The following PAK3 variants were observed in gnomAD, a reference collection of about 807,000 sequenced individuals.
PAK3 encodes p21 (RAC1) activated kinase 3, also known as serine/threonine-protein kinase PAK 3.
A neutral mutation model predicts 41.0 loss-of-function variants in PAK3; 4 were observed. That is an observed-to-expected ratio of 0.10 (90% CI 0.05 to 0.22). The LOEUF (loss-of-function observed/expected upper bound fraction) is 0.22, where lower values mean the gene tolerates loss of function less well. Among genes scored for constraint, PAK3 ranks in the 10% least tolerant of loss-of-function variants. PAK3 has a pLI of 1.00. For synonymous variants in PAK3, 146 were observed against 139.6 expected, an observed-to-expected ratio of 1.05 and a Z score of -0.32; for missense variants, 205 against 409.9, an observed-to-expected ratio of 0.50 and a Z score of 4.32.
chrX:111,216,294 T>C lies in PAK3; in HGVS notation c.1408-127T>C, dbSNP rs878860217. Reference sequence around the variant, plus strand: ...TTATAGAAACTTTGAAATATATGTGTCATTCTCTAAAGTGGAATTATTAAG... The same window carrying C: ...TTATAGAAACTTTGAAATATATGTGCCATTCTCTAAAGTGGAATTATTAAG... On this transcript the variant is annotated intron_variant, in intron 16 of 17. Coordinates refer to ENST00000372007, the MANE Select transcript of PAK3 (RefSeq NM_002578.5). 1.1e-4 allele frequency: 57 copies of C among 515,595 alleles called. No homozygotes were observed. In the South Asian group the frequency reaches 1.3e-3, roughly 11 times the overall value. The allele number at this position is 515,595 out of a possible 1,213,427, so 42.5% of individuals were successfully genotyped here. A position where few individuals can be genotyped will look rare whatever the true frequency, so the allele number is the denominator to read the frequency against.
At chrX:111,028,964 C>A (rs1177108126) in intron 1 of PAK3, among the ~76,000 whole-genome samples, 1 of 109,899 alleles carries the variant, frequency 9.1e-6, no homozygotes, top group Admixed American at 9.8e-5. Context: ...GAGACCCTGT[C>A]TCTACAATTT....
At chrX:111,083,548 G>C (rs998586765) in intron 1 of PAK3, among the ~76,000 whole-genome samples, 1 of 112,038 alleles carries the variant, frequency 8.9e-6, no homozygotes, top group Non-Finnish European at 1.9e-5. Flanking sequence ...AACCCTCTCT[G>C]TTCCTTAACC....
At chrX:110,948,788 C>T (rs1204542348) in intron 1 of PAK3, among the ~76,000 whole-genome samples, 1 of 111,717 alleles carries the variant, frequency 9.0e-6, no homozygotes, top group African/African-American at 3.3e-5. Context: ...AAGCAGCAAG[C>T]TTCAGTTGTA....
rs1050600302 is a variant in PAK3 at position 111,224,148 on chromosome X, G to A, written c.*3701G>A. On this transcript the variant is annotated 3_prime_UTR_variant, in exon 18 of 18. Transcript: ENST00000372007. ...TGGGTGCTGAGGTTGGCACACGCTC[G>A]GGTATGGCACACGCTTTCTTAGGAG... 6 of 111,207 alleles carry A rather than the reference G, an allele frequency of 5.4e-5. No homozygotes were observed. The highest frequency in any genetic ancestry group is 7.5e-5 in the Non-Finnish European group (4 of 53,029). 9.2% of individuals were successfully genotyped at this position (111,207 alleles called of 1,213,427 possible).
intron 16 of PAK3, among the ~76,000 whole-genome samples, chrX:111,200,936 T>A (rs1327850968): frequency 3.6e-5 from 4 of 112,568 alleles, no homozygotes; most frequent in Non-Finnish European, 7.5e-5. Context: ...TATAGGCATC[T>A]TCTAGCCTAG....
At chrX:111,047,789 A>G (rs1329148072) in intron 1 of PAK3, among the ~76,000 whole-genome samples, 3 of 111,840 alleles carry the variant, frequency 2.7e-5, no homozygotes, top group African/African-American at 9.7e-5. Flanking sequence ...TCACTCTGAC[A>G]GCAGGAAGTG....
In PAK3 at chrX:111,137,473, T is replaced by G. The variant is rs1603290942; in HGVS notation, c.176-4623T>G. ...ATGGCATCTCTCTTTTTTTTTAAGT[T>G]CTCAGATGAAAATGATGTACAGTGA... On this transcript the variant is annotated intron_variant, in intron 5 of 17. Transcript: ENST00000372007. Among the ~76,000 whole-genome samples the G allele has an allele frequency of 3.6e-5, 4 of 110,950 alleles. No homozygotes were observed. The Admixed American group carries it at 3.8e-4, about 11-fold the overall frequency.
Position 111,221,761 on chromosome X carries a change from C to T in PAK3, c.*1314C>T, listed in dbSNP as rs139710049. On this transcript the variant is annotated 3_prime_UTR_variant, in exon 18 of 18. Coordinates refer to ENST00000372007, the MANE Select transcript of PAK3 (RefSeq NM_002578.5). ...TCCTATGTATCACCTATTTCTGTTT[C>T]GGAATATGGTGTGTTCATGCTTAGT... 281 of 111,426 alleles carry T rather than the reference C, an allele frequency of 2.5e-3. 1 individual carries two copies. The highest frequency in any genetic ancestry group is 8.4e-3 in the African/African-American group (259 of 30,728). The allele number at this position is 111,426 out of a possible 1,213,427, so 9.2% of individuals were successfully genotyped here.
intron 5 of PAK3, 26 bp downstream of exon 5, chrX:111,123,304 A>G: frequency 2.7e-6 from 3 of 1,124,050 alleles, no homozygotes; most frequent in Non-Finnish European, 3.7e-6. Flanking sequence ...CCGGGCATTG[A>G]AAATGGGCTA....
chrX:111,039,919 C>T (rs2092436298), intron 1 of PAK3, among the ~76,000 whole-genome samples: 1 of 104,364 alleles, frequency 9.6e-6, no homozygotes, highest in African/African-American at 3.6e-5. Flanking sequence ...CCTGAAAAGC[C>T]AGGGGATTTC....
chrX:111,200,171 G>A (rs2149344343), intron 16 of PAK3, among the ~76,000 whole-genome samples: 1 of 111,233 alleles, frequency 9.0e-6, no homozygotes, highest in East Asian at 2.8e-4. Context: ...AAATGGTTAA[G>A]TGTTTTCATA....
At chrX:110,957,903 CT>C (rs2090900219) in intron 1 of PAK3, among the ~76,000 whole-genome samples, 1 of 111,896 alleles carries the variant, frequency 8.9e-6, no homozygotes, top group South Asian at 3.8e-4. Flanking sequence ...CCTCATGAAG[CT>C]TATGGTCTAA....
chrX:110,974,464 A>G (rs1367504609), intron 1 of PAK3, among the ~76,000 whole-genome samples: 2 of 111,839 alleles, frequency 1.8e-5, no homozygotes, highest in Non-Finnish European at 3.8e-5. Flanking sequence ...TGAGGCAATA[A>G]TTAATATCCT....
At chrX:111,127,745 T>C (rs953066412) in intron 5 of PAK3, among the ~76,000 whole-genome samples, 1 of 111,681 alleles carries the variant, frequency 9.0e-6, no homozygotes. Context: ...GTAATGGGAC[T>C]CTACGGTATG....
chrX:111,194,019 G>A (rs1371930315), intron 13 of PAK3, among the ~76,000 whole-genome samples: 1 of 111,292 alleles, frequency 9.0e-6, no homozygotes, highest in African/African-American at 3.3e-5. Context: ...CATCTTTCTT[G>A]ATAAGCAAGG....
upstream of PAK3, among the ~76,000 whole-genome samples, chrX:111,092,238 T>G (rs751423258): frequency 8.9e-6 from 1 of 111,904 alleles, no homozygotes; most frequent in African/African-American, 3.2e-5. Context: ...TTCTTACAAG[T>G]AAAATATAGC....
chrX:111,182,472 G>T (rs1180370589), intron 11 of PAK3, among the ~76,000 whole-genome samples: 1 of 111,331 alleles, frequency 9.0e-6, no homozygotes, highest in East Asian at 2.8e-4. Context: ...GCTACATTCT[G>T]TGTACTTAGA....
intron 3 of PAK3, among the ~76,000 whole-genome samples, chrX:111,102,447 A>G (rs1363710698): frequency 8.9e-6 from 1 of 112,051 alleles, no homozygotes; most frequent in Non-Finnish European, 1.9e-5. Context: ...AGCACCTGTG[A>G]GATGGTAGCA....
intron 1 of PAK3, among the ~76,000 whole-genome samples, chrX:111,035,035 A>T (rs1356462539): frequency 2.0e-5 from 2 of 98,205 alleles, no homozygotes; most frequent in African/African-American, 7.4e-5. Context: ...GAATCCAGAA[A>T]GTCAAGGCTG....
Sources: allele counts gnomAD v4.1 joint callset (sites outside exome capture counted in the v4.1 genomes callset), GRCh38; gene constraint gnomAD v4.1.1; transcripts MANE v1.5; gene names NCBI Gene and HGNC (gene_info 2026-07-23, HGNC 2026-07-21).